PKD2: variants seen among roughly 807,000 people sequenced by gnomAD.
The protein encoded by PKD2 is polycystin 2, transient receptor potential cation channel, also known as polycystin-2.
A neutral mutation model predicts 105.9 loss-of-function variants in PKD2; 48 were observed. The observed-to-expected ratio is 0.45, with a 90% CI of 0.36 to 0.58. The LOEUF (loss-of-function observed/expected upper bound fraction) is 0.58, where lower values mean the gene tolerates loss of function less well. PKD2 is among the 20% of genes least tolerant of loss of function. PKD2 has a pLI of 0.00. For missense variants in PKD2, 1,078 were observed against 1,255.3 expected, an observed-to-expected ratio of 0.86 and a Z score of 2.13; for synonymous variants, 464 against 481.1, an observed-to-expected ratio of 0.96 and a Z score of 0.46.
chr4:88,012,470 A>AG (rs397700688), intron 1 of PKD2, among the ~76,000 whole-genome samples: 5 of 150,988 alleles, frequency 3.3e-5, no homozygotes, highest in African/African-American at 9.8e-5. Flanking sequence ...ATGCAGGATA[A>AG]TCATACCAAC....
intron 2 of PKD2, among the ~76,000 whole-genome samples, chr4:88,020,422 C>T (rs1158931383): frequency 2.0e-5 from 3 of 152,130 alleles, no homozygotes; most frequent in Non-Finnish European, 4.4e-5. Flanking sequence ...AGGCCCATCT[C>T]TTTCGTCTTC....
At chr4:88,057,526 C>G (rs1183116430) in intron 8 of PKD2, among the ~76,000 whole-genome samples, 1 of 151,020 alleles carries the variant, frequency 6.6e-6, no homozygotes, top group Non-Finnish European at 1.5e-5. Context: ...ACCTCTGCCT[C>G]CCGGGTTCAA....
intron 6 of PKD2, among the ~76,000 whole-genome samples, chr4:88,049,028 G>A (rs961870022): frequency 4.6e-5 from 7 of 152,188 alleles, no homozygotes; most frequent in African/African-American, 1.7e-4. Flanking sequence ...AGAAAGGTAA[G>A]TATGATATGC....
chr4:88,024,721 A>G (rs1252034350), intron 2 of PKD2, among the ~76,000 whole-genome samples: 1 of 152,202 alleles, frequency 6.6e-6, no homozygotes, highest in Non-Finnish European at 1.5e-5. Flanking sequence ...CAACATTAAA[A>G]AGCAGAAAGC....
intron 2 of PKD2, among the ~76,000 whole-genome samples, chr4:88,035,367 G>A (rs1398654167): frequency 6.6e-6 from 1 of 152,212 alleles, no homozygotes; most frequent in African/African-American, 2.4e-5. Flanking sequence ...CAGTATCCTG[G>A]AAGAAGGAGA....
intron 14 of PKD2, 85 bp from the exon 15 acceptor site, chr4:88,075,373 C>A: frequency 4.0e-6 from 4 of 1,002,944 alleles, no homozygotes; most frequent in Non-Finnish European, 4.8e-6. Context: ...TCCAGCCTTA[C>A]CAAACTACAG....
intron 7 of PKD2, among the ~76,000 whole-genome samples, chr4:88,054,647 C>CT (rs1720251972): frequency 7.9e-6 from 1 of 127,322 alleles, no homozygotes; most frequent in Non-Finnish European, 1.6e-5. Context: ...GATCATGACT[C>CT]TACTTTTTTT....
chr4:88,072,593 T>A (rs1298526341), intron 13 of PKD2, among the ~76,000 whole-genome samples: 1 of 152,184 alleles, frequency 6.6e-6, no homozygotes, highest in Non-Finnish European at 1.5e-5. Flanking sequence ...TATGAACAAG[T>A]CACTGGGCTC....
chr4:88,054,079 A>C (rs914639843), intron 7 of PKD2, among the ~76,000 whole-genome samples: 4 of 151,796 alleles, frequency 2.6e-5, no homozygotes, highest in African/African-American at 9.7e-5. Context: ...TAATAATAAT[A>C]ATCAAGATAG....
intron 7 of PKD2, among the ~76,000 whole-genome samples, chr4:88,055,073 G>T (rs78934629): frequency 6.6e-6 from 1 of 152,140 alleles, no homozygotes; most frequent in African/African-American, 2.4e-5. Flanking sequence ...ATATGGCTTT[G>T]CAGGGTTCAC....
chr4:88,030,809 G>T (rs1395919013), intron 2 of PKD2, among the ~76,000 whole-genome samples: 1 of 152,242 alleles, frequency 6.6e-6, no homozygotes, highest in African/African-American at 2.4e-5. Context: ...CCGACACCTG[G>T]AGAGTCTCAC....
At chr4:88,054,509 T>A (rs909848196) in intron 7 of PKD2, among the ~76,000 whole-genome samples, 10 of 152,128 alleles carry the variant, frequency 6.6e-5, no homozygotes, top group Non-Finnish European at 1.0e-4. Flanking sequence ...AGTAACAATG[T>A]GTAACAGACC....
intron 2 of PKD2, among the ~76,000 whole-genome samples, chr4:88,030,135 G>A (rs1727092986): frequency 6.6e-6 from 1 of 152,134 alleles, no homozygotes; most frequent in South Asian, 2.1e-4. Flanking sequence ...ATTAATACAA[G>A]TCAGTCTTCC....
chr4:88,068,469 CA>C (rs34639849), intron 13 of PKD2, among the ~76,000 whole-genome samples: 45,584 of 138,940 alleles, frequency 0.33, 10,416 homozygotes, highest in African/African-American at 0.65. Flanking sequence ...GACTCTGTCT[CA>C]AAAAAAAAAA....
chr4:88,013,941 A>G (rs1415622503), intron 1 of PKD2, among the ~76,000 whole-genome samples: 1 of 152,128 alleles, frequency 6.6e-6, no homozygotes, highest in Non-Finnish European at 1.5e-5. Flanking sequence ...GGGGGCTGAT[A>G]TGATCATTTG....
chr4:88,046,574 A>G, intron 5 of PKD2, 68 bp from the exon 6 acceptor site: 2 of 930,550 alleles, frequency 2.1e-6, no homozygotes, highest in Non-Finnish European at 3.6e-6. Flanking sequence ...GAACAGATGG[A>G]CATCCATTCC....
At chr4:88,011,880 T>G (rs975389924) in intron 1 of PKD2, among the ~76,000 whole-genome samples, 1 of 77,742 alleles carries the variant, frequency 1.3e-5, no homozygotes, top group African/African-American at 5.9e-5. Flanking sequence ...TATCCTAAAT[T>G]ACAGGTTTTC....
intron 4 of PKD2, among the ~76,000 whole-genome samples, chr4:88,041,852 C>G (rs1329062849): frequency 6.6e-6 from 1 of 152,198 alleles, no homozygotes; most frequent in African/African-American, 2.4e-5. Flanking sequence ...TGCAAACAGG[C>G]CTTCCTAAAG....
chr4:88,045,095 ATTTC>A (rs1237275889), intron 5 of PKD2, among the ~76,000 whole-genome samples: 2 of 152,232 alleles, frequency 1.3e-5, no homozygotes, highest in African/African-American at 4.8e-5. Flanking sequence ...GGTCTTGAGT[ATTTC>A]TTCTGCTTCC....
Sources: gnomAD v4.1 joint callset for allele counts (sites outside exome capture counted in the v4.1 genomes callset) on GRCh38, gnomAD v4.1.1 for gene constraint, MANE v1.5 for transcripts, NCBI Gene and HGNC (gene_info 2026-07-23, HGNC 2026-07-21) for gene names.